Variants in ATRNL1 observed in about 807,000 individuals in gnomAD.
ATRNL1 encodes the protein attractin like 1, also known as attractin-like protein 1.
ATRNL1 carries 95 observed loss-of-function variants against 182.7 expected under a neutral mutation model. That is an observed-to-expected ratio of 0.52 (90% CI 0.44 to 0.62). The LOEUF (loss-of-function observed/expected upper bound fraction) is 0.62. Ranked by LOEUF, ATRNL1 falls within the 20% of genes least tolerant of loss-of-function variation. ATRNL1 has a pLI of 0.00. For synonymous variants in ATRNL1, 576 were observed against 568.3 expected, an observed-to-expected ratio of 1.01 and a Z score of -0.19; for missense variants, 1,471 against 1,679.5, an observed-to-expected ratio of 0.88 and a Z score of 2.17.
chr10:115,641,628 A>G (rs1289443817), intron 26 of ATRNL1, among the ~76,000 whole-genome samples: 2 of 152,150 alleles, frequency 1.3e-5, no homozygotes, highest in African/African-American at 4.8e-5. Context: ...TAAATTCTAT[A>G]TTATTTCATT....
chr10:115,162,289 A>G (rs1296890173), intron 6 of ATRNL1, among the ~76,000 whole-genome samples: 1 of 152,114 alleles, frequency 6.6e-6, no homozygotes, highest in Non-Finnish European at 1.5e-5. Context: ...GGGAGTTGCA[A>G]TTATAAATGT....
In ATRNL1 at chr10:115,316,981, T is replaced by A. The variant is rs556167237; in HGVS notation, c.3037+1245T>A. On this transcript the variant is annotated intron_variant, in intron 18 of 28. Coordinates refer to ENST00000355044, the MANE Select transcript of ATRNL1 (RefSeq NM_207303.4). ...TGCTTTTGGGATTTTCATTATGAAG[T>A]CTTTGCCCATGCCTATGTCCTAAAT... 5.3e-5 allele frequency among the ~76,000 whole-genome samples: 8 copies of A among 152,354 alleles called. No homozygotes were observed. In the East Asian group the frequency reaches 1.2e-3, roughly 22 times the overall value.
intron 25 of ATRNL1, among the ~76,000 whole-genome samples, chr10:115,522,275 G>A (rs1209643578): frequency 1.3e-5 from 2 of 152,174 alleles, no homozygotes; most frequent in Admixed American, 6.5e-5. Flanking sequence ...GTGCCAGCAT[G>A]TGCATCTGGT....
chr10:115,727,927 T>C (rs1021797433), intron 27 of ATRNL1, among the ~76,000 whole-genome samples: 2 of 151,828 alleles, frequency 1.3e-5, no homozygotes, highest in Non-Finnish European at 2.9e-5. Context: ...CTAAATATGG[T>C]ATTAGAATCC....
rs570164572 is a variant in ATRNL1, at chr10:115,677,608, G to T, written c.3796-49640G>T. Among the ~76,000 whole-genome samples, 63 of 152,046 alleles carry T rather than the reference G, an allele frequency of 4.1e-4. No homozygotes were observed. In the South Asian group the frequency reaches 0.013, roughly 32 times the overall value. On this transcript the variant is annotated intron_variant, in intron 26 of 28. Transcript: ENST00000355044. ...TCTTCCTCATTTTTCTTTTGCTGCCGCCATGTAAGAAGTGCCTTTTGCCTC... is the reference window on the plus strand; with the variant it reads ...TCTTCCTCATTTTTCTTTTGCTGCCTCCATGTAAGAAGTGCCTTTTGCCTC...
chr10:115,127,608 T>A lies in ATRNL1; in HGVS notation c.507T>A (p.Pro169=). The A allele has an allele frequency of 1.9e-6, 3 of 1,609,198 alleles. No homozygotes were observed. The highest frequency in any genetic ancestry group is 2.5e-6 in the Non-Finnish European group (3 of 1,177,708). ...TCTCTTTTAGTGGTTTGATAGTCCC[T>A]GAAATAAGGGGCAATGAAACTGTGC... is the stretch of plus-strand genomic sequence containing the variant. ...LIAVLSGLIV[P]EIRGNETVPE... Residue 169 remains proline (P), a synonymous_variant, in exon 4 of 29, where the codon CCT becomes CCA. Transcript: ENST00000355044.
At chr10:115,705,242 A>G (rs1429800778) in intron 26 of ATRNL1, among the ~76,000 whole-genome samples, 1 of 151,952 alleles carries the variant, frequency 6.6e-6, no homozygotes, top group Non-Finnish European at 1.5e-5. Flanking sequence ...AACTAAAAAT[A>G]CTGTCTGTAT....
intron 28 of ATRNL1, among the ~76,000 whole-genome samples, chr10:115,907,892 C>G (rs1279654835): frequency 6.6e-6 from 1 of 152,178 alleles, no homozygotes; most frequent in Non-Finnish European, 1.5e-5. Flanking sequence ...TGCCTACCTA[C>G]TTCTCTGTAC....
chr10:115,317,898 A>G (rs145948683), intron 18 of ATRNL1, among the ~76,000 whole-genome samples: 1,969 of 152,068 alleles, frequency 0.013, 37 homozygotes, highest in African/African-American at 0.044. Context: ...TCTTTCTCTT[A>G]CCTGATAGCC....
chr10:115,753,976 T>A (rs1477633210), intron 27 of ATRNL1, among the ~76,000 whole-genome samples: 1 of 152,230 alleles, frequency 6.6e-6, no homozygotes, highest in African/African-American at 2.4e-5. Flanking sequence ...AATGTCTTCT[T>A]TTGAGAAGTG....
chr10:115,320,615 G>T (rs1554931137), intron 18 of ATRNL1, among the ~76,000 whole-genome samples: 1 of 151,862 alleles, frequency 6.6e-6, no homozygotes, highest in African/African-American at 2.4e-5. Context: ...CTTTAGTCTT[G>T]TCTGCATGCC....
chr10:115,812,573 T>A (rs2134260168), intron 27 of ATRNL1, among the ~76,000 whole-genome samples: 1 of 152,140 alleles, frequency 6.6e-6, no homozygotes, highest in South Asian at 2.1e-4. Context: ...GCCTCCTGGG[T>A]TCAAGCAATT....
At chr10:115,269,884 T>TTAATC (rs139155437) in intron 13 of ATRNL1, among the ~76,000 whole-genome samples, 52,868 of 151,506 alleles carry the variant, frequency 0.35, 9,589 homozygotes, top group African/African-American at 0.44. Context: ...TTTTATGACT[T>TTAATC]TAATTTTCAG....
intron 24 of ATRNL1, among the ~76,000 whole-genome samples, chr10:115,489,002 C>T (rs1398740357): frequency 6.6e-6 from 1 of 152,144 alleles, no homozygotes; most frequent in Non-Finnish European, 1.5e-5. Context: ...CATTCAGGAG[C>T]AGGTTTTTCA....
intron 13 of ATRNL1, among the ~76,000 whole-genome samples, chr10:115,272,777 A>G (rs554086397): frequency 4.5e-4 from 68 of 152,260 alleles, no homozygotes; most frequent in Admixed American, 2.4e-3. Flanking sequence ...AGCCCATTCC[A>G]CTGTTTTATG....
intron 21 of ATRNL1, among the ~76,000 whole-genome samples, chr10:115,429,473 A>G (rs1444767099): frequency 6.6e-6 from 1 of 152,120 alleles, no homozygotes; most frequent in Non-Finnish European, 1.5e-5. Flanking sequence ...GTTTATTATA[A>G]TTTATGGAAT....
At chr10:115,183,499 C>T (rs1554888177) in intron 8 of ATRNL1, among the ~76,000 whole-genome samples, 1 of 151,068 alleles carries the variant, frequency 6.6e-6, no homozygotes, top group Non-Finnish European at 1.5e-5. Flanking sequence ...ATACACAAAA[C>T]AAGAAATGAC....
At chr10:115,395,619 C>G (rs1473210076) in intron 20 of ATRNL1, among the ~76,000 whole-genome samples, 2 of 151,480 alleles carry the variant, frequency 1.3e-5, no homozygotes, top group East Asian at 3.9e-4. Context: ...GTCCTTTAAC[C>G]CTTTCAGCTG....
At chr10:115,507,487 A>G (rs1365744348) in intron 24 of ATRNL1, among the ~76,000 whole-genome samples, 1 of 152,072 alleles carries the variant, frequency 6.6e-6, no homozygotes, top group Non-Finnish European at 1.5e-5. Context: ...ATGATAGTAC[A>G]CACTGTGACT....
Sources: gnomAD v4.1 joint callset for allele counts (sites outside exome capture counted in the v4.1 genomes callset) on GRCh38, gnomAD v4.1.1 for gene constraint, MANE v1.5 for transcripts, NCBI Gene and HGNC (gene_info 2026-07-23, HGNC 2026-07-21) for gene names.